The following PAX6 variants were observed in gnomAD, a reference collection of about 807,000 sequenced individuals.
The protein encoded by PAX6 is paired box protein Pax-6.
Under a neutral mutation model 60.7 loss-of-function variants are expected in PAX6, and 7 were observed. The ratio of observed to expected loss-of-function variants is 0.12; its 90% CI spans 0.07 to 0.22. The LOEUF (loss-of-function observed/expected upper bound fraction) is 0.22, where lower values mean the gene tolerates loss of function less well. Among genes scored for constraint, PAX6 ranks in the 10% least tolerant of loss-of-function variants. The probability of loss-of-function intolerance (pLI) is 1.00; values close to 1 mark genes in which losing one functional copy is unlikely to be tolerated. For missense variants in PAX6, 355 were observed against 555.2 expected, an observed-to-expected ratio of 0.64 and a Z score of 3.62; for synonymous variants, 208 against 201.2, an observed-to-expected ratio of 1.03 and a Z score of -0.29.
chr11:31,791,284 A>G, intron 12 of PAX6: 2 of 323,782 alleles, frequency 6.2e-6, no homozygotes, highest in East Asian at 1.5e-4. Flanking sequence ...GCTTTGGGAC[A>G]GAGAGCAGTG....
Position 31,795,107 on chromosome 11 carries a change from C to A in PAX6, c.566-319G>T, listed in dbSNP as rs1295362194. 2.0e-5 allele frequency among the ~76,000 whole-genome samples: 3 copies of A among 152,286 alleles called. No homozygotes were observed. In the East Asian group the frequency reaches 5.8e-4, roughly 29 times the overall value. ...ACCCCAACTCCCCAAATGCCTCACT[C>A]CACTCCCTACAGAATCTCTTTACCT... On this transcript the variant is annotated intron_variant, in intron 8 of 13. Transcript: ENST00000640368.
At chr11:31,796,305 C>T (rs1044384218) in intron 8 of PAX6, among the ~76,000 whole-genome samples, 1 of 152,094 alleles carries the variant, frequency 6.6e-6, no homozygotes, top group Non-Finnish European at 1.5e-5. Context: ...CTACAATGAG[C>T]GCGGACAACA....
chr11:31,801,324 C>G, intron 7 of PAX6: 1 of 1,431,764 alleles, frequency 7.0e-7, no homozygotes, highest in South Asian at 1.5e-5. Context: ...GTGCCTCCGC[C>G]CTCTGTTTTG....
At position 31,801,783 on chromosome 11, in the gene PAX6, A is replaced by G. The variant is rs1333814390; in HGVS notation, c.184-7T>C. On this transcript the variant is annotated splice_region_variant and splice_polypyrimidine_tract_variant and intron_variant, in intron 6 of 13. Coordinates refer to ENST00000640368, the MANE Select transcript of PAX6 (RefSeq NM_001368894.2). ...TCACACATCCGTTGGACACCTGCAT[A>G]GGGGAAGTGGACAGAAAACCACATT... 1.2e-6 allele frequency: 2 copies of G among 1,614,094 alleles called. No homozygotes were observed. The highest frequency in any genetic ancestry group is 1.7e-6 in the Non-Finnish European group (2 of 1,180,030).
At position 31,794,420 on chromosome 11, in the gene PAX6, CCACACACACACACACACA is replaced by C. The variant is rs10525266; in HGVS notation, c.724+192_724+209del. On this transcript the variant is annotated intron_variant, in intron 9 of 13. Coordinates refer to ENST00000640368, the MANE Select transcript of PAX6 (RefSeq NM_001368894.2). ...AAAAGAAGAAACACACACACACACA[CCACACACACACACACACA>C]CACACACACACACACACACACACAC... 0.084 allele frequency: 43,148 copies of C among 514,566 alleles called. 951 individuals are homozygous for C. The highest frequency in any genetic ancestry group is 0.096 in the Middle Eastern group (186 of 1,946). 31.9% of individuals were successfully genotyped at this position (514,566 alleles called of 1,614,324 possible).
chr11:31,789,051 A>G lies in PAX6; in HGVS notation c.*883T>C, dbSNP rs1274588839. The G allele has an allele frequency of 2.5e-5, 5 of 202,070 alleles. No individual in the cohort carries two copies. Among genetic ancestry groups the G allele is most frequent in the Non-Finnish European group, 5.1e-5 (5 of 97,966 alleles). The allele number at this position is 202,070 out of a possible 1,614,324, so 12.5% of individuals were successfully genotyped here. On this transcript the variant is annotated 3_prime_UTR_variant, in exon 14 of 14. Coordinates refer to ENST00000640368, the MANE Select transcript of PAX6 (RefSeq NM_001368894.2). ...TTTAAAACTCTTGCAAGCACTTTTAATTGATTAGGAATGAACTCTAGATGC... is the reference window on the plus strand; with the variant it reads ...TTTAAAACTCTTGCAAGCACTTTTAGTTGATTAGGAATGAACTCTAGATGC...
chr11:31,795,728 T>C (rs1279588734), intron 8 of PAX6, among the ~76,000 whole-genome samples: 1 of 152,264 alleles, frequency 6.6e-6, no homozygotes, highest in African/African-American at 2.4e-5. Flanking sequence ...CCTTGCTGCC[T>C]GGAGGGCAAG....
rs910659043 is a variant in PAX6, at chr11:31,810,918, C to T, written c.-219G>A. 1 of 399,036 alleles carries T rather than the reference C, an allele frequency of 2.5e-6. No homozygotes were observed. The highest frequency in any genetic ancestry group is 4.4e-6 in the Non-Finnish European group (1 of 226,120). 24.7% of individuals were successfully genotyped at this position (399,036 alleles called of 1,614,324 possible). A position where few individuals can be genotyped will look rare whatever the true frequency, so the allele number is the denominator to read the frequency against. On this transcript the variant is annotated 5_prime_UTR_variant, in exon 2 of 14. Coordinates refer to ENST00000640368, the MANE Select transcript of PAX6 (RefSeq NM_001368894.2). The stretch of plus-strand genomic sequence containing the variant: ...TGTGCTGCTGTTGTTGCTTGAAGAC[C>T]ACAATGGTTTGAAATGACGGTGTTT...
Position 31,816,706 on chromosome 11 carries a change from C to A in PAX6, c.-317+1103G>T, listed in dbSNP as rs923071665. Reference sequence around the variant, plus strand: ...TTCCAGGTGAGGTGAGCAGGGGGCGCCACCGCTCGGAGTCGGGCGGAGGTC... The same window carrying A: ...TTCCAGGTGAGGTGAGCAGGGGGCGACACCGCTCGGAGTCGGGCGGAGGTC... On this transcript the variant is annotated intron_variant, in intron 1 of 12. Coordinates refer to the PAX6 transcript ENST00000241001. 7 of 629,460 alleles carry A rather than the reference C, an allele frequency of 1.1e-5. No homozygotes were observed. The African/African-American group carries it at 1.3e-4, about 12-fold the overall frequency. 39.0% of individuals were successfully genotyped at this position (629,460 alleles called of 1,614,324 possible).
intron 2 of PAX6, chr11:31,807,602 T>C (rs1386707350): frequency 6.6e-6 from 1 of 152,232 alleles, no homozygotes; most frequent in East Asian, 1.9e-4. Flanking sequence ...TCTTCACCCC[T>C]TTAACTGTAC....
intron 12 of PAX6, chr11:31,791,074 C>A: frequency 3.0e-6 from 2 of 660,526 alleles, no homozygotes; most frequent in Non-Finnish European, 5.5e-6. Flanking sequence ...ATGTATCAAG[C>A]CTCTAAAGCA....
intron 2 of PAX6, 37 bp from the exon 3 acceptor site, chr11:31,806,962 C>T (rs1955965219): frequency 1.3e-5 from 2 of 153,260 alleles, no homozygotes; most frequent in Admixed American, 1.3e-4. Context: ...GTATATCAAG[C>T]TGTGGTTCAA....
At chr11:31,800,662 A>AGCT in intron 8 of PAX6, 29 bp downstream of exon 8, 3 of 1,613,282 alleles carry the variant, frequency 1.9e-6, no homozygotes, top group Non-Finnish European at 2.5e-6. Context: ...ACATATGGAG[A>AGCT]GCTGCGTGGA....
At chr11:31,793,103 C>T in intron 12 of PAX6, 1 of 602,470 alleles carries the variant, frequency 1.7e-6, no homozygotes, top group East Asian at 2.7e-5. Context: ...TGATAATGTG[C>T]CAGCATTATT....
rs1449994014 is a variant in PAX6, at chr11:31,798,688, G to A, written c.565+2003C>T. On this transcript the variant is annotated intron_variant, in intron 8 of 13. Transcript: ENST00000640368. ...GGTGGGGGGGTGGTGATTGCCAGTT[G>A]ACCCAGAATTTTCTAGCAACTAGGC... Among the ~76,000 whole-genome samples, 6 of 152,306 alleles carry A rather than the reference G, an allele frequency of 3.9e-5. 1 individual carries two copies. The highest frequency in any genetic ancestry group is 3.9e-4 in the Admixed American group (6 of 15,302).
At chr11:31,803,477 A>C (rs1954770749) in intron 4 of PAX6, 1 of 153,638 alleles carries the variant, frequency 6.5e-6, no homozygotes, top group East Asian at 1.9e-4. Context: ...AAGGCCTGGC[A>C]CAAGCATCGA....
intron 8 of PAX6, among the ~76,000 whole-genome samples, chr11:31,800,309 G>C (rs1953227467): frequency 6.6e-6 from 1 of 152,164 alleles, no homozygotes; most frequent in African/African-American, 2.4e-5. Context: ...ATACAATTAT[G>C]TTAACCTCGC....
chr11:31,801,168 T>A (rs1465653458), intron 7 of PAX6: 1 of 1,156,844 alleles, frequency 8.6e-7, no homozygotes, highest in Non-Finnish European at 1.2e-6. Flanking sequence ...CTATTTAGAC[T>A]TGTTGTAAAG....
At chr11:31,813,186 G>T (rs905777269), upstream of PAX6, 2 of 152,140 alleles carry the variant, frequency 1.3e-5, no homozygotes, top group African/African-American at 4.8e-5. Flanking sequence ...GGGTGTCCAG[G>T]TCCGCGGCCT....
Sources: allele counts gnomAD v4.1 joint callset (sites outside exome capture counted in the v4.1 genomes callset), GRCh38; gene constraint gnomAD v4.1.1; transcripts MANE v1.5; gene names NCBI Gene and HGNC (gene_info 2026-07-23, HGNC 2026-07-21).